Variants in TAFA2 observed in about 807,000 individuals in gnomAD.
The protein encoded by TAFA2 is chemokine-like protein TAFA-2.
In TAFA2, 7 loss-of-function variants were observed where a neutral mutation model predicts 18.8. The ratio of observed to expected loss-of-function variants is 0.37; its 90% CI spans 0.21 to 0.70. TAFA2 has a LOEUF of 0.70. TAFA2 is among the 30% of genes least tolerant of loss of function. The pLI is 0.53. For synonymous variants in TAFA2, 60 were observed against 54.2 expected (o/e 1.11, Z -0.47); for missense variants, 122 against 158.1 (o/e 0.77, Z 1.23).
At chr12:61,860,059 A>C (rs1874064612) in intron 2 of TAFA2, among the ~76,000 whole-genome samples, 2 of 152,216 alleles carry the variant, frequency 1.3e-5, no homozygotes, top group Non-Finnish European at 2.9e-5. Context: ...ATAATCTCTC[A>C]CAACTAGTCT....
intron 1 of TAFA2, among the ~76,000 whole-genome samples, chr12:62,059,117 TA>T (rs139600231): frequency 0.45 from 56,747 of 126,618 alleles, 11,335 homozygotes; most frequent in Middle Eastern, 0.57. Flanking sequence ...AAAATAATAA[TA>T]ATATATATAT....
rs143904175 is a variant in TAFA2 at position 61,876,879 on chromosome 12, G to A, written c.-1-9453C>T. ...TTTTTGGACAATTATGTGCACTAGC[G>A]TTAAATCCCTGAGCACAGCAACGTC... On this transcript the variant is annotated intron_variant, in intron 1 of 4. Transcript: ENST00000416284. 2.8e-3 allele frequency among the ~76,000 whole-genome samples: 426 copies of A among 152,252 alleles called. 2 individuals carry two copies. The highest frequency in any genetic ancestry group is 5.2e-3 in the Non-Finnish European group (354 of 68,002).
chr12:61,738,694 G>A (rs562158248), intron 4 of TAFA2, among the ~76,000 whole-genome samples: 1 of 152,010 alleles, frequency 6.6e-6, no homozygotes, highest in African/African-American at 2.4e-5. Flanking sequence ...CCATGTCTGA[G>A]GCCAGGTGGA....
rs554377490 is a variant in TAFA2 at position 61,963,671 on chromosome 12, T to C, written c.-1-96245A>G. The stretch of plus-strand genomic sequence containing the variant: ...ATACTGCCCAAAGTAATTTATAGAT[T>C]CGATGCTATCCCCATCAAGCTACCA... On this transcript the variant is annotated intron_variant, in intron 1 of 4. Coordinates refer to ENST00000416284, the MANE Select transcript of TAFA2 (RefSeq NM_178539.5). Among the ~76,000 whole-genome samples the C allele has an allele frequency of 3.9e-5, 6 of 152,090 alleles. No homozygotes were observed. In the South Asian group the frequency reaches 1.2e-3, roughly 31 times the overall value.
At chr12:61,933,040 C>T (rs1877625605) in intron 1 of TAFA2, among the ~76,000 whole-genome samples, 1 of 152,142 alleles carries the variant, frequency 6.6e-6, no homozygotes, top group Non-Finnish European at 1.5e-5. Flanking sequence ...ATTGACCCAG[C>T]TGAGGTTATT....
In TAFA2 at chr12:61,867,339, G is replaced by A; in HGVS notation, c.87C>T (p.Ser29=). The change falls in exon 2 of 5, where the codon TCC becomes TCT. Residue 29 remains serine (S), a synonymous_variant. Transcript: ENST00000416284. ...GCTTACCTTTATGATGGTTTGCACT[G>A]GATACAACTTTCCCCCACAAGGTTA... ...FIVTLWGKVV[S]SANHHKAHHV... 6.2e-7 allele frequency: 1 copy of A among 1,602,404 alleles called. No individual in the cohort carries two copies. The highest frequency in any genetic ancestry group is 8.5e-7 in the Non-Finnish European group (1 of 1,172,880).
intron 1 of TAFA2, among the ~76,000 whole-genome samples, chr12:62,094,286 G>A (rs1475403786): frequency 1.3e-5 from 2 of 151,996 alleles, no homozygotes; most frequent in Admixed American, 6.6e-5. Flanking sequence ...AAGCTATGAG[G>A]ATGAAAAGGC....
intron 1 of TAFA2, among the ~76,000 whole-genome samples, chr12:62,147,953 T>C (rs998088634): frequency 9.2e-5 from 14 of 151,820 alleles, no homozygotes; most frequent in Non-Finnish European, 1.6e-4. Flanking sequence ...AACGAACATA[T>C]GGAAAAAAAT....
At chr12:62,078,411 A>G (rs2136815493) in intron 1 of TAFA2, among the ~76,000 whole-genome samples, 1 of 70,266 alleles carries the variant, frequency 1.4e-5, no homozygotes, top group African/African-American at 5.5e-5. Flanking sequence ...CTTAAAGTAT[A>G]ATTGGAAAAA....
At chr12:61,973,941 T>A (rs1443213139) in intron 1 of TAFA2, among the ~76,000 whole-genome samples, 1 of 151,684 alleles carries the variant, frequency 6.6e-6, no homozygotes, top group African/African-American at 2.4e-5. Context: ...AACCATTAGA[T>A]GTCTGGAAAA....
At chr12:61,764,367 T>C (rs1196588006) in intron 2 of TAFA2, among the ~76,000 whole-genome samples, 1 of 152,044 alleles carries the variant, frequency 6.6e-6, no homozygotes, top group Non-Finnish European at 1.5e-5. Flanking sequence ...AGGAATCACA[T>C]TGTTCTTTTA....
chr12:61,775,046 T>A (rs1189314212), intron 2 of TAFA2, among the ~76,000 whole-genome samples: 1 of 151,752 alleles, frequency 6.6e-6, no homozygotes, highest in Non-Finnish European at 1.5e-5. Context: ...TATATGTAGG[T>A]GGCAAATAAG....
At chr12:61,872,176 A>AG (rs374894450) in intron 1 of TAFA2, among the ~76,000 whole-genome samples, 43 of 152,272 alleles carry the variant, frequency 2.8e-4, no homozygotes, top group African/African-American at 9.1e-4. Flanking sequence ...GGAAGGAAAA[A>AG]GGGGGGGAAT....
intron 1 of TAFA2, among the ~76,000 whole-genome samples, chr12:61,956,631 T>TAAA (rs34261945): frequency 0.031 from 4,382 of 142,718 alleles, 236 homozygotes; most frequent in African/African-American, 0.1. Context: ...TTTGTTTTGT[T>TAAA]AAAAAAAAAA....
intron 1 of TAFA2, among the ~76,000 whole-genome samples, chr12:62,237,481 G>C (rs2062843472): frequency 1.3e-5 from 2 of 152,164 alleles, no homozygotes; most frequent in South Asian, 4.1e-4. Flanking sequence ...CCTTAAAACT[G>C]CTTTTTGATT....
intron 1 of TAFA2, among the ~76,000 whole-genome samples, chr12:62,122,954 C>A (rs1395816523): frequency 1.3e-5 from 2 of 152,150 alleles, no homozygotes; most frequent in African/African-American, 4.8e-5. Context: ...CTCATCTCAA[C>A]ATGCATAAAA....
intron 1 of TAFA2, among the ~76,000 whole-genome samples, chr12:61,921,067 A>G (rs890803353): frequency 6.6e-6 from 1 of 152,234 alleles, no homozygotes; most frequent in Non-Finnish European, 1.5e-5. Flanking sequence ...GGGAACCAAC[A>G]TCAGAAAGAA....
chr12:62,234,809 T>G (rs1309545125), intron 1 of TAFA2: 1 of 1,022,206 alleles, frequency 9.8e-7, no homozygotes, highest in African/African-American at 1.6e-5. Context: ...ATGGGCCTGC[T>G]TGGGAGTCTG....
chr12:62,193,084 T>G (rs1172171301), upstream of TAFA2, among the ~76,000 whole-genome samples: 1 of 152,180 alleles, frequency 6.6e-6, no homozygotes, highest in Non-Finnish European at 1.5e-5. Context: ...TCCTTACATG[T>G]TTGGTCAAAT....
Sources: allele counts gnomAD v4.1 joint callset (sites outside exome capture counted in the v4.1 genomes callset), GRCh38; gene constraint gnomAD v4.1.1; transcripts MANE v1.5; gene names NCBI Gene and HGNC (gene_info 2026-07-23, HGNC 2026-07-21).